The following QRSL1 variants were observed in gnomAD, a reference collection of about 807,000 sequenced individuals.
QRSL1 encodes the protein glutamyl-tRNA(Gln) amidotransferase subunit A, mitochondrial.
In QRSL1, 54 loss-of-function variants were observed where a neutral mutation model predicts 61.6. The observed-to-expected ratio is 0.88, with a 90% CI of 0.70 to 1.10. The LOEUF is 1.10. QRSL1 is among the 50% of genes least tolerant of loss of function. The probability of loss-of-function intolerance (pLI) is 0.00; values close to 1 mark genes in which losing one functional copy is unlikely to be tolerated. For missense variants in QRSL1, 505 were observed against 622.6 expected (o/e 0.81, Z 2.01); for synonymous variants, 228 against 225.7 (o/e 1.01, Z -0.09).
At chr6:106,635,495 A>C (rs1275148258) in intron 1 of QRSL1, among the ~76,000 whole-genome samples, 1 of 152,194 alleles carries the variant, frequency 6.6e-6, no homozygotes, top group African/African-American at 2.4e-5. Context: ...TGTTAAAGAG[A>C]GGATGAGTAC....
chr6:106,637,991 A>T (rs1235904747), intron 1 of QRSL1, among the ~76,000 whole-genome samples: 1 of 152,226 alleles, frequency 6.6e-6, no homozygotes, highest in Non-Finnish European at 1.5e-5. Flanking sequence ...CTGTTCAACC[A>T]CAATTGTAAC....
rs1777157796 is a variant in QRSL1 at position 106,649,178 on chromosome 6, T to C, written c.534T>C (p.Ala178=). ...GAAGCTCAGGTGGGAGTGCAGCTGC[T>C]GTATCGGCGTTCACATGCTACGCGT... The part of the protein sequence containing the change: ...TGGSSGGSAA[A]VSAFTCYAAL... The change falls in exon 5 of 11, where the codon GCT becomes GCC. Residue 178 remains alanine (A), a synonymous_variant. Coordinates refer to ENST00000369046, the MANE Select transcript of QRSL1 (RefSeq NM_018292.5). 3 of 1,614,030 alleles carry C rather than the reference T, an allele frequency of 1.9e-6. No homozygotes were observed. Among genetic ancestry groups the C allele is most frequent in the Admixed American group, 3.3e-5 (2 of 59,988 alleles).
At chr6:106,648,912 A>G in intron 4 of QRSL1, 113 bp from the exon 5 acceptor site, 3 of 1,052,894 alleles carry the variant, frequency 2.8e-6, no homozygotes, top group South Asian at 2.0e-5. Context: ...TTCAAGCTAC[A>G]GTGGGTTCTT....
At chr6:106,661,467 G>T (rs1212229744) in intron 9 of QRSL1, among the ~76,000 whole-genome samples, 1 of 152,048 alleles carries the variant, frequency 6.6e-6, no homozygotes, top group Non-Finnish European at 1.5e-5. Flanking sequence ...AAACCACTTA[G>T]GTGTTGTCAG....
In QRSL1 at chr6:106,632,806, T is replaced by C. The variant is rs143271658; in HGVS notation, c.24+3101T>C. 3.4e-3 allele frequency among the ~76,000 whole-genome samples: 512 copies of C among 152,350 alleles called. 5 individuals are homozygous for C. Among genetic ancestry groups the C allele is most frequent in the African/African-American group, 0.012 (480 of 41,580 alleles). On this transcript the variant is annotated intron_variant, in intron 1 of 10. Coordinates refer to ENST00000369046, the MANE Select transcript of QRSL1 (RefSeq NM_018292.5). ...CTTTTGCCCATTTTTAATTTGATTA[T>C]TGGATTTTTTCCTGTTGAGTTGTTT...
intron 4 of QRSL1, among the ~76,000 whole-genome samples, chr6:106,647,008 A>G (rs1777115747): frequency 8.1e-6 from 1 of 122,704 alleles, no homozygotes; most frequent in Non-Finnish European, 1.6e-5. Context: ...AGCCTGGGTG[A>G]CAGAGCAAGA....
rs1562164982 is a variant in QRSL1, at chr6:106,639,111, G to GTTTTTTTT, written c.25-1234_25-1233insTTTTTTTT. On this transcript the variant is annotated intron_variant, in intron 1 of 10. Transcript: ENST00000369046. The stretch of plus-strand genomic sequence containing the variant: ...ACCTAACTTGTGTGGTTATTTGTGT[G>GTTTTTTTT]TTTTGTTGTTTTTTTTTTTTTTTTT... Among the ~76,000 whole-genome samples, 245 of 60,730 alleles carry GTTTTTTTT rather than the reference G, an allele frequency of 4.0e-3. 10 individuals carry two copies. The highest frequency in any genetic ancestry group is 0.016 in the African/African-American group (237 of 14,918). The allele number at this position is 60,730 out of a possible 152,430, so 39.8% of individuals were successfully genotyped here. A position where few individuals can be genotyped will look rare whatever the true frequency, so the allele number is the denominator to read the frequency against.
chr6:106,649,016 C>T lies in QRSL1; in HGVS notation c.381-9C>T, dbSNP rs760780607. ...TTTACTAAGGTATCTTGCTTCACTT[C>T]GTCATCAGATCTGGGAGCACAGATG... On this transcript the variant is annotated splice_polypyrimidine_tract_variant and intron_variant, in intron 4 of 10. Transcript: ENST00000369046. The T allele has an allele frequency of 1.1e-5, 17 of 1,591,676 alleles. No homozygotes were observed. In the African/African-American group the frequency reaches 1.8e-4, roughly 16 times the overall value.
At chr6:106,664,398 T>C (rs1205566564) in intron 10 of QRSL1, among the ~76,000 whole-genome samples, 1 of 152,224 alleles carries the variant, frequency 6.6e-6, no homozygotes, top group African/African-American at 2.4e-5. Context: ...GTACCAAGAT[T>C]CTTTATTTTG....
At chr6:106,630,122 C>G (rs1440787662) in intron 1 of QRSL1, among the ~76,000 whole-genome samples, 1 of 152,130 alleles carries the variant, frequency 6.6e-6, no homozygotes, top group South Asian at 2.1e-4. Flanking sequence ...TAATTTTTGG[C>G]TTTTTTCAAA....
In QRSL1 at chr6:106,654,721, T is replaced by C. The variant is rs1160470072; in HGVS notation, c.850-9T>C. The C allele has an allele frequency of 6.3e-7, 1 of 1,597,216 alleles. No individual in the cohort carries two copies. The highest frequency in any genetic ancestry group is 2.2e-5 in the East Asian group (1 of 44,806). ...GTTCCAATTTTGTATCTTGACTTTT[T>C]GCTATAAGGAATATCTTGTACCGGA... On this transcript the variant is annotated splice_polypyrimidine_tract_variant and intron_variant, in intron 7 of 10. Coordinates refer to ENST00000369046, the MANE Select transcript of QRSL1 (RefSeq NM_018292.5).
intron 3 of QRSL1, chr6:106,642,720 A>G (rs1411271644): frequency 2.7e-6 from 2 of 749,472 alleles, no homozygotes; most frequent in Non-Finnish European, 4.9e-6. Context: ...ATGAATGTGC[A>G]TATTGAGCAC....
At position 106,663,193 on chromosome 6, in the gene QRSL1, T is replaced by G; in HGVS notation, c.1366+8T>G. On this transcript the variant is annotated splice_region_variant and intron_variant, in intron 10 of 10. Transcript: ENST00000369046. ...AAGCTGTAAATATGGCAGGTGAGGA[T>G]TCCTCAGGAACATTCTGATTTTCTT... is the stretch of plus-strand genomic sequence containing the variant. 1 of 1,611,934 alleles carries G rather than the reference T, an allele frequency of 6.2e-7. No individual in the cohort carries two copies. The highest frequency in any genetic ancestry group is 8.5e-7 in the Non-Finnish European group (1 of 1,178,076).
In QRSL1 at chr6:106,663,030, C is replaced by T. The variant is rs1455646763; in HGVS notation, c.1211C>T (p.Ala404Val). ...GCACAGAAAGTGAGACGCCTCATTGCTAATGACTTTGTAAATGCTTTTAAC... is the reference window on the plus strand; with the variant it reads ...GCACAGAAAGTGAGACGCCTCATTGTTAATGACTTTGTAAATGCTTTTAAC... The part of the protein sequence containing the change: ...VKAQKVRRLI[A>V]NDFVNAFNSG... The change falls in exon 10 of 11, where the codon GCT (alanine) becomes GTT (valine). Residue 404 changes from alanine to valine, a missense_variant. Coordinates refer to ENST00000369046, the MANE Select transcript of QRSL1 (RefSeq NM_018292.5). The T allele has an allele frequency of 1.2e-6, 2 of 1,613,138 alleles. No homozygotes were observed. The highest frequency in any genetic ancestry group is 2.2e-5 in the East Asian group (1 of 44,880).
chr6:106,662,255 G>A (rs78877839), intron 9 of QRSL1, among the ~76,000 whole-genome samples: 1 of 152,246 alleles, frequency 6.6e-6, no homozygotes, highest in East Asian at 1.9e-4. Flanking sequence ...AAAGCCATTT[G>A]TTGCTGTGTA....
At chr6:106,636,153 A>G (rs1776915892) in intron 1 of QRSL1, among the ~76,000 whole-genome samples, 1 of 152,154 alleles carries the variant, frequency 6.6e-6, no homozygotes, top group African/African-American at 2.4e-5. Flanking sequence ...ACTGGAAAGT[A>G]TATAGTGCAC....
At chr6:106,661,798 G>A (rs574243448) in intron 9 of QRSL1, among the ~76,000 whole-genome samples, 125 of 123,558 alleles carry the variant, frequency 1.0e-3, no homozygotes, top group African/African-American at 3.7e-3. Context: ...TACAACCTCC[G>A]CCTCCCAGGT....
intron 1 of QRSL1, among the ~76,000 whole-genome samples, chr6:106,631,106 G>T (rs111730582): frequency 0.078 from 11,908 of 151,704 alleles, 1,195 homozygotes; most frequent in African/African-American, 0.22. Context: ...GGCGCCTGTA[G>T]TCCCAGCTAC....
chr6:106,652,206 C>T lies in QRSL1; in HGVS notation c.558-3C>T, dbSNP rs773542229. On this transcript the variant is annotated splice_polypyrimidine_tract_variant and splice_region_variant and intron_variant, in intron 5 of 10. Transcript: ENST00000369046. ...TCTAAAGATAATTCCATTTAAATTC[C>T]AGGGCTTTAGGATCAGATACAGGAG... is the stretch of plus-strand genomic sequence containing the variant. 3.1e-6 allele frequency: 5 copies of T among 1,603,686 alleles called. No homozygotes were observed. The Admixed American group carries it at 5.1e-5, about 16-fold the overall frequency.
Sources: gnomAD v4.1 joint callset for allele counts (sites outside exome capture counted in the v4.1 genomes callset) on GRCh38, gnomAD v4.1.1 for gene constraint, MANE v1.5 for transcripts, NCBI Gene and HGNC (gene_info 2026-07-23, HGNC 2026-07-21) for gene names.